The following GOLGA2 variants were observed in gnomAD, a reference collection of about 807,000 sequenced individuals.
GOLGA2 encodes the protein golgin subfamily A member 2.
A neutral mutation model predicts 148.8 loss-of-function variants in GOLGA2; 49 were observed. The ratio of observed to expected loss-of-function variants is 0.33; its 90% CI spans 0.26 to 0.42. The LOEUF is 0.42. Ranked by LOEUF, GOLGA2 falls within the 10% of genes least tolerant of loss-of-function variation. The pLI, the probability that GOLGA2 is intolerant of heterozygous loss-of-function variation, is 1.00. For missense variants in GOLGA2, 1,178 were observed against 1,304.6 expected (o/e 0.90, Z 1.49); for synonymous variants, 501 against 511.8 (o/e 0.98, Z 0.28).
rs112603354 is a variant in GOLGA2 at position 128,258,516 on chromosome 9, GCCTCCT to G, written c.2222_2227del (p.Glu741_Glu742del). On this transcript the variant is annotated inframe_deletion, in exon 22 of 27. Transcript: ENST00000611957. The surrounding 1 kb of genome is among the most constrained non-coding windows in gnomAD (Gnocchi z 6.6). ...TGGCATGGGCTGAGGTACTGCCACC[GCCTCCT>G]CCTCCTCCTCCTCCTCATCCTCCTC... 12,615 of 1,584,360 alleles carry G rather than the reference GCCTCCT, an allele frequency of 8.0e-3. 676 individuals are homozygous for G. The African/African-American group carries it at 0.14, about 17-fold the overall frequency.
chr9:128,270,107 C>T (rs1176952582), intron 3 of GOLGA2, among the ~76,000 whole-genome samples: 2 of 148,204 alleles, frequency 1.3e-5, no homozygotes, highest in Non-Finnish European at 3.0e-5. Flanking sequence ...GGATTAGACA[C>T]AAGAATGCTC....
chr9:128,260,317 C>T lies in GOLGA2; in HGVS notation c.1759-128G>A, dbSNP rs1027792237. ...GGTTAGAAAAATCATCCCCTCTCCC[C>T]CACAGCCATCGGAGCAGGGCTCTGG... On this transcript the variant is annotated intron_variant, in intron 18 of 26. Coordinates refer to ENST00000611957, the MANE Select transcript of GOLGA2 (RefSeq NM_001366244.2). The surrounding 1 kb of genome is among the most constrained non-coding windows in gnomAD (Gnocchi z 4.8). The T allele has an allele frequency of 1.8e-6, 2 of 1,093,972 alleles. No individual in the cohort carries two copies. Among genetic ancestry groups the T allele is most frequent in the African/African-American group, 3.1e-5 (2 of 65,198 alleles). The allele number at this position is 1,093,972 out of a possible 1,614,324, so 67.8% of individuals were successfully genotyped here. A position where few individuals can be genotyped will look rare whatever the true frequency, so the allele number is the denominator to read the frequency against.
intron 3 of GOLGA2, among the ~76,000 whole-genome samples, chr9:128,269,880 C>G (rs1047456663): frequency 6.6e-6 from 1 of 152,224 alleles, no homozygotes; most frequent in Non-Finnish European, 1.5e-5. Flanking sequence ...GCTGGTGGAA[C>G]TGAAGATGAG....
chr9:128,257,147 G>C lies in GOLGA2; in HGVS notation c.3010C>G (p.Pro1004Ala). 6.2e-7 allele frequency: 1 copy of C among 1,614,156 alleles called. No homozygotes were observed. The highest frequency in any genetic ancestry group is 8.5e-7 in the Non-Finnish European group (1 of 1,180,010). Residue 1004 changes from proline to alanine, a missense_variant, in exon 27 of 27, where the codon CCA becomes GCA. Transcript: ENST00000611957. This position sits in a 1 kb window ranked among gnomAD's most constrained non-coding sequence, Gnocchi z 8.0. ...LREMQNPRERPGLGSNPCIPF... is the reference protein window; with the variant it reads ...LREMQNPRERAGLGSNPCIPF... ...ATGCAGGGGTTGCTGCCCAAGCCTG[G>C]GCGCTCCCGGGGGTTCTGCATCTCA...
rs148100000 is a variant in GOLGA2 at position 128,261,748 on chromosome 9, G to A, written c.1144C>T (p.Arg382Trp). 3.4e-5 allele frequency: 54 copies of A among 1,610,476 alleles called. No individual in the cohort carries two copies. The highest frequency in any genetic ancestry group is 1.6e-4 in the Middle Eastern group (1 of 6,070). Residue 382 changes from arginine (R) to tryptophan (W), a missense_variant, in exon 15 of 27, where the codon CGG (arginine) becomes TGG (tryptophan). This residue lies in a region of GOLGA2 where 304 missense variants were observed against 404.1 expected (regional missense o/e 0.75). Coordinates refer to ENST00000611957, the MANE Select transcript of GOLGA2 (RefSeq NM_001366244.2). This position sits in a 1 kb window ranked among gnomAD's most constrained non-coding sequence, Gnocchi z 5.7. Reference sequence around the variant, plus strand: ...TGGTTAGCATCAGGGGCTTCACACCGGCTTGAAAACTGGATGGTGAAGAGC... The same window carrying A: ...TGGTTAGCATCAGGGGCTTCACACCAGCTTGAAAACTGGATGGTGAAGAGC... ...TELLLQQFSSRCEAPDANQQL... is the reference protein window; with the variant it reads ...TELLLQQFSSWCEAPDANQQL...
Position 128,258,979 on chromosome 9 carries a change from T to C in GOLGA2, c.2173+28A>G, listed in dbSNP as rs1161762875. 7.0e-7 allele frequency: 1 copy of C among 1,421,836 alleles called. No homozygotes were observed. The highest frequency in any genetic ancestry group is 2.3e-5 in the East Asian group (1 of 44,084). 88.1% of individuals were successfully genotyped at this position (1,421,836 alleles called of 1,614,324 possible). Reference sequence around the variant, plus strand: ...GTCCCCCCTTCTTCCTGGGGCTCTCTCCTCTTCCTGTGAGCAGGTTCCCGT... The same window carrying C: ...GTCCCCCCTTCTTCCTGGGGCTCTCCCCTCTTCCTGTGAGCAGGTTCCCGT... On this transcript the variant is annotated intron_variant, in intron 21 of 26. Transcript: ENST00000611957. The surrounding 1 kb of genome is among the most constrained non-coding windows in gnomAD (Gnocchi z 6.6).
In GOLGA2 at chr9:128,261,219, C is replaced by T. The variant is rs562000344; in HGVS notation, c.1373G>A (p.Arg458Gln). The stretch of plus-strand genomic sequence containing the variant: ...CAAGCTCGTCTCCAGCTCCTGTACC[C>T]GACTCATGCTACATTCCTTCTCCTC... ...LREEKECSMSRVQELETSLAE... is the reference protein window; with the variant it reads ...LREEKECSMSQVQELETSLAE... Residue 458 changes from arginine (R) to glutamine (Q), a missense_variant, in exon 17 of 27, where the codon CGG becomes CAG. Coordinates refer to ENST00000611957, the MANE Select transcript of GOLGA2 (RefSeq NM_001366244.2). The surrounding 1 kb of genome is among the most constrained non-coding windows in gnomAD (Gnocchi z 5.7). The T allele has an allele frequency of 8.1e-6, 13 of 1,614,016 alleles. No individual in the cohort carries two copies. The Admixed American group carries it at 1.2e-4, about 14-fold the overall frequency.
rs1157536845 is a variant in GOLGA2, at chr9:128,268,104, A to G, written c.437+13T>C. 3 of 1,612,116 alleles carry G rather than the reference A, an allele frequency of 1.9e-6. No homozygotes were observed. The highest frequency in any genetic ancestry group is 2.5e-6 in the Non-Finnish European group (3 of 1,178,180). On this transcript the variant is annotated intron_variant, in intron 5 of 26. Coordinates refer to ENST00000611957, the MANE Select transcript of GOLGA2 (RefSeq NM_001366244.2). ...TCAGCCTAGAGACTGCTGCCCCAAC[A>G]GGAGACACTCACTTGGTTTCATCCA... is the stretch of plus-strand genomic sequence containing the variant.
chr9:128,261,214 G>T lies in GOLGA2; in HGVS notation c.1378C>A (p.Gln460Lys). The T allele has an allele frequency of 6.2e-7, 1 of 1,613,928 alleles. No individual in the cohort carries two copies. Among genetic ancestry groups the T allele is most frequent in the Non-Finnish European group, 8.5e-7 (1 of 1,179,848 alleles). ...EEKECSMSRVQELETSLAELR... is the reference protein window; with the variant it reads ...EEKECSMSRVKELETSLAELR... ...TCAGCCAAGCTCGTCTCCAGCTCCT[G>T]TACCCGACTCATGCTACATTCCTTC... The change falls in exon 17 of 27, where the codon CAG becomes AAG. Residue 460 changes from glutamine (Q) to lysine (K), a missense_variant. This residue lies in a region of GOLGA2 where 529 missense variants were observed against 521.8 expected (regional missense o/e 1.01). Coordinates refer to ENST00000611957, the MANE Select transcript of GOLGA2 (RefSeq NM_001366244.2). The surrounding 1 kb of genome is among the most constrained non-coding windows in gnomAD (Gnocchi z 5.7).
chr9:128,265,814 G>C lies in GOLGA2; in HGVS notation c.800C>G (p.Thr267Ser), dbSNP rs779338452. 2 of 1,613,824 alleles carry C rather than the reference G, an allele frequency of 1.2e-6. No individual in the cohort carries two copies. Among genetic ancestry groups the C allele is most frequent in the Admixed American group, 3.3e-5 (2 of 60,024 alleles). ...KAELQTALAH[T>S]QHAARQKEGE... ...TTCTTTCTGCCTGGCAGCATGCTGA[G>C]TGTGAGCCAGGGCTGTCTGTAACTC... Residue 267 changes from threonine to serine, a missense_variant, in exon 11 of 27, where the codon ACT becomes AGT. By Grantham distance (58) the Thr-to-Ser change is moderately conservative (BLOSUM62 1). This residue lies in a region of GOLGA2 where 304 missense variants were observed against 404.1 expected (regional missense o/e 0.75). Transcript: ENST00000611957.
chr9:128,259,451 TA>T, intron 19 of GOLGA2, 60 bp from the exon 20 acceptor site: 1 of 1,094,052 alleles, frequency 9.1e-7, no homozygotes, highest in Non-Finnish European at 1.3e-6. Flanking sequence ...TCAGGGCCCA[TA>T]AATAGGGTAG....
In GOLGA2 at chr9:128,258,054, C is replaced by T; in HGVS notation, c.2434G>A (p.Ala812Thr). Residue 812 changes from alanine to threonine, a missense_variant, in exon 23 of 27, where the codon GCC becomes ACC. By Grantham distance (58) the Ala-to-Thr change is moderately conservative. Around this residue, in one of 5 missense-constraint regions of GOLGA2, gnomAD observed 529 missense variants for 521.8 expected, o/e 1.01. Transcript: ENST00000611957. The surrounding 1 kb of genome is among the most constrained non-coding windows in gnomAD (Gnocchi z 6.6). Reference sequence around the variant, plus strand: ...ACAGAATCACCCCCGGTCCCTGGGGCTGGGGCTGCTGCCTCAGGCTCCTTC... The same window carrying T: ...ACAGAATCACCCCCGGTCCCTGGGGTTGGGGCTGCTGCCTCAGGCTCCTTC... ...AQKEPEAAAP[A>T]PGTGGDSVCG... The T allele has an allele frequency of 6.2e-7, 1 of 1,611,538 alleles. No homozygotes were observed. Among genetic ancestry groups the T allele is most frequent in the Non-Finnish European group, 8.5e-7 (1 of 1,179,714 alleles).
chr9:128,275,049 T>G (rs537490980), intron 1 of GOLGA2, among the ~76,000 whole-genome samples: 1 of 152,054 alleles, frequency 6.6e-6, no homozygotes, highest in Non-Finnish European at 1.5e-5. Context: ...CTCTGGAGAG[T>G]AGAAGCCTGG....
chr9:128,265,983 C>G lies in GOLGA2; in HGVS notation c.719G>C (p.Arg240Thr). 6.2e-7 allele frequency: 1 copy of G among 1,613,582 alleles called. No homozygotes were observed. The highest frequency in any genetic ancestry group is 1.1e-5 in the South Asian group (1 of 91,076). ...CCCTCCACTCACCTGTAACTGCTCC[C>G]TTAGGGCTCCCTGCTTTTGGTGGCA... ...KECHQKQGAL[R>T]EQLQVHIQTI... is the part of the protein sequence containing the mutation. Residue 240 changes from arginine (R) to threonine (T), a missense_variant, in exon 10 of 27, where the codon AGG (arginine) becomes ACG (threonine). By Grantham distance (71) the Arg-to-Thr change is moderately conservative (BLOSUM62 -1). Coordinates refer to ENST00000611957, the MANE Select transcript of GOLGA2 (RefSeq NM_001366244.2).
In GOLGA2 at chr9:128,258,870, C is replaced by T. The variant is rs1417158001; in HGVS notation, c.2173+137G>A. On this transcript the variant is annotated intron_variant, in intron 21 of 26. Transcript: ENST00000611957. This position sits in a 1 kb window ranked among gnomAD's most constrained non-coding sequence, Gnocchi z 6.6. ...TCCCAGGAAGTCACCATATTGATGCCGAACTTAGTGTGGACACCCAGTTGG... is the reference window on the plus strand; with the variant it reads ...TCCCAGGAAGTCACCATATTGATGCTGAACTTAGTGTGGACACCCAGTTGG... The T allele has an allele frequency of 7.1e-6, 5 of 700,514 alleles. No homozygotes were observed. Among genetic ancestry groups the T allele is most frequent in the East Asian group, 2.6e-5 (1 of 38,394 alleles). 43.4% of individuals were successfully genotyped at this position (700,514 alleles called of 1,614,324 possible). A position where few individuals can be genotyped will look rare whatever the true frequency, so the allele number is the denominator to read the frequency against.
In GOLGA2 at chr9:128,256,938, C is replaced by G. The variant is rs577746834; in HGVS notation, c.*129G>C. On this transcript the variant is annotated 3_prime_UTR_variant, in exon 27 of 27. Transcript: ENST00000611957. The stretch of plus-strand genomic sequence containing the variant: ...CTTCACCTCATCTGCACCTGTCTAC[C>G]CCCGTTAGACAGGGGTCTATGCTTG... The G allele has an allele frequency of 1.4e-6, 1 of 700,938 alleles. No homozygotes were observed. Among genetic ancestry groups the G allele is most frequent in the South Asian group, 1.9e-5 (1 of 53,660 alleles). The allele number at this position is 700,938 out of a possible 1,614,324, so 43.4% of individuals were successfully genotyped here. A position where few individuals can be genotyped will look rare whatever the true frequency, so the allele number is the denominator to read the frequency against.
At chr9:128,274,124 A>T in intron 1 of GOLGA2, 152 bp from the exon 2 acceptor site, 2 of 737,888 alleles carry the variant, frequency 2.7e-6, no homozygotes, top group Non-Finnish European at 4.5e-6. Context: ...TTAGTGACTG[A>T]GAGGGATTGA....
intron 20 of GOLGA2, 32 bp downstream of exon 20, chr9:128,259,135 C>G: frequency 6.2e-7 from 1 of 1,601,150 alleles, no homozygotes; most frequent in Non-Finnish European, 8.6e-7. Flanking sequence ...AGGTTGTCCC[C>G]CTCGGGGCCC....
rs2131330206 is a variant in GOLGA2, at chr9:128,258,049, T to C, written c.2439A>G (p.Pro813=). ...CACACACAGAATCACCCCCGGTCCC[T>C]GGGGCTGGGGCTGCTGCCTCAGGCT... ...QKEPEAAAPA[P]GTGGDSVCGE... is the part of the protein sequence containing the mutation. Residue 813 remains proline (P), a synonymous_variant, in exon 23 of 27, where the codon CCA becomes CCG. Transcript: ENST00000611957. The surrounding 1 kb of genome is among the most constrained non-coding windows in gnomAD (Gnocchi z 6.6). The C allele has an allele frequency of 6.2e-7, 1 of 1,606,756 alleles. No individual in the cohort carries two copies. The highest frequency in any genetic ancestry group is 2.2e-5 in the East Asian group (1 of 44,504).
Sources: gnomAD v4.1 joint callset for allele counts (sites outside exome capture counted in the v4.1 genomes callset) on GRCh38, gnomAD v4.1.1 for gene constraint, gnomAD v4.1.1 regional missense constraint, Gnocchi (gnomAD v3.1) non-coding constraint, MANE v1.5 for transcripts, NCBI Gene and HGNC (gene_info 2026-07-23, HGNC 2026-07-21) for gene names.